Variants in MELK observed in about 807,000 individuals in gnomAD.
The protein encoded by MELK is pEg3 kinase.
MELK carries 81 observed loss-of-function variants against 85.0 expected under a neutral mutation model. The ratio of observed to expected loss-of-function variants is 0.95; its 90% confidence interval spans 0.80 to 1.15. MELK has a LOEUF of 1.15. MELK is among the 50% of genes most tolerant of loss of function. MELK has a pLI of 0.00. For synonymous variants in MELK, 252 were observed against 265.0 expected (o/e 0.95, Z 0.48); for missense variants, 754 against 777.5 (o/e 0.97, Z 0.36).
intron 13 of MELK, among the ~76,000 whole-genome samples, 155 bp downstream of exon 13, chr9:36,657,518 A>G (rs1400569511): frequency 1.3e-5 from 2 of 152,226 alleles, no homozygotes; most frequent in African/African-American, 4.8e-5. Context: ...AATGAAAGGG[A>G]AGTCAATTAT....
intron 4 of MELK, among the ~76,000 whole-genome samples, chr9:36,591,795 G>A (rs12238648): frequency 0.11 from 16,078 of 151,666 alleles, 898 homozygotes; most frequent in Middle Eastern, 0.15. Flanking sequence ...AAAAGGCTGG[G>A]TATGGTGGTG....
chr9:36,619,308 A>G (rs1159548630), intron 8 of MELK, among the ~76,000 whole-genome samples: 3 of 152,160 alleles, frequency 2.0e-5, no homozygotes, highest in African/African-American at 7.2e-5. Context: ...AATACCTCTC[A>G]GCCAGGTTAT....
rs1334062073 is a variant in MELK at position 36,656,738 on chromosome 9, C to CA, written c.1054-503_1054-502insA. Among the ~76,000 whole-genome samples the CA allele has an allele frequency of 2.1e-3, 315 of 152,132 alleles. 1 individual carries two copies. The highest frequency in any genetic ancestry group is 7.3e-3 in the African/African-American group (302 of 41,498). ...CACCTGGTGGACTCAAGTGATCCTC[C>CA]CACCTAAGCCTCCCAAGTACCTGGG... On this transcript the variant is annotated intron_variant, in intron 12 of 17. Transcript: ENST00000298048.
chr9:36,595,539 G>C (rs1587367276), intron 5 of MELK, among the ~76,000 whole-genome samples: 1 of 151,578 alleles, frequency 6.6e-6, no homozygotes, highest in South Asian at 2.1e-4. Context: ...GCCTTGGTAG[G>C]CTTTTTGGAT....
At chr9:36,615,157 G>T (rs1826496466) in intron 8 of MELK, among the ~76,000 whole-genome samples, 1 of 139,982 alleles carries the variant, frequency 7.1e-6, no homozygotes, top group African/African-American at 2.7e-5. Flanking sequence ...GGGCAGAGGC[G>T]CCCCTCACCT....
At chr9:36,606,178 T>A (rs1825458310) in intron 7 of MELK, among the ~76,000 whole-genome samples, 1 of 148,532 alleles carries the variant, frequency 6.7e-6, no homozygotes, top group African/African-American at 2.5e-5. Context: ...ATTTCTAGTG[T>A]CTCTCTCTCT....
chr9:36,581,209 A>AT (rs112571055), intron 1 of MELK, among the ~76,000 whole-genome samples: 2 of 150,870 alleles, frequency 1.3e-5, no homozygotes, highest in Non-Finnish European at 3.0e-5. Context: ...TTTTATTTTT[A>AT]TTTTTTTTAT....
intron 8 of MELK, among the ~76,000 whole-genome samples, chr9:36,611,279 C>T (rs1016509763): frequency 2.0e-5 from 3 of 152,188 alleles, no homozygotes; most frequent in Non-Finnish European, 2.9e-5. Context: ...CGGAATATTA[C>T]ACCTCCTAGA....
intron 16 of MELK, 42 bp from the exon 17 acceptor site, chr9:36,674,789 TTGA>T: frequency 8.8e-7 from 1 of 1,140,962 alleles, no homozygotes; most frequent in South Asian, 1.3e-5. Context: ...GGTCTTTGTG[TTGA>T]TGTAAAAATT....
intron 14 of MELK, among the ~76,000 whole-genome samples, chr9:36,665,910 A>G (rs1832294065): frequency 6.6e-6 from 1 of 152,228 alleles, no homozygotes; most frequent in African/African-American, 2.4e-5. Flanking sequence ...AGAAGGAGTG[A>G]AGTGATTTGC....
intron 11 of MELK, among the ~76,000 whole-genome samples, chr9:36,644,167 T>G (rs1186183608): frequency 6.6e-6 from 1 of 151,912 alleles, no homozygotes; most frequent in Admixed American, 6.6e-5. Flanking sequence ...TTGGATTATT[T>G]TGGCTCTTTC....
At chr9:36,624,083 CTTTTT>C (rs774510229) in intron 8 of MELK, among the ~76,000 whole-genome samples, 1 of 132,938 alleles carries the variant, frequency 7.5e-6, no homozygotes, top group African/African-American at 2.9e-5. Context: ...TATTATACTT[CTTTTT>C]TTTTTTTTTT....
In MELK at chr9:36,579,772, A is replaced by G. The variant is rs565939910; in HGVS notation, c.-38-1872A>G. 5.3e-5 allele frequency among the ~76,000 whole-genome samples: 8 copies of G among 152,346 alleles called. No homozygotes were observed. The East Asian group carries it at 1.5e-3, about 29-fold the overall frequency. On this transcript the variant is annotated intron_variant, in intron 1 of 17. Transcript: ENST00000298048. ...AGTGTGACTTTGTATATTAATGTGCATAACAGGGCCCTACTTAGCTCTATG... is the reference window on the plus strand; with the variant it reads ...AGTGTGACTTTGTATATTAATGTGCGTAACAGGGCCCTACTTAGCTCTATG...
chr9:36,603,472 C>T (rs1825136124), intron 7 of MELK, among the ~76,000 whole-genome samples: 1 of 151,716 alleles, frequency 6.6e-6, no homozygotes, highest in African/African-American at 2.4e-5. Flanking sequence ...CACTCTGTCT[C>T]CCAGGCTGAA....
intron 7 of MELK, among the ~76,000 whole-genome samples, chr9:36,601,625 TTAG>T (rs768953257): frequency 2.6e-4 from 39 of 152,214 alleles, no homozygotes; most frequent in Admixed American, 4.6e-4. Context: ...AATGTATAGT[TTAG>T]TAGTACTGAA....
chr9:36,614,283 A>G lies in MELK; in HGVS notation c.666+6610A>G, dbSNP rs1418546328. On this transcript the variant is annotated intron_variant, in intron 8 of 17. Transcript: ENST00000298048. ...GCTAAGTTTTGTAGTTTTAGTAGAG[A>G]TGGGGTTTCGCCATGTTGGCCATGT... is the stretch of plus-strand genomic sequence containing the variant. 2.6e-5 allele frequency among the ~76,000 whole-genome samples: 4 copies of G among 151,622 alleles called. No individual in the cohort carries two copies. The South Asian group carries it at 6.3e-4, about 24-fold the overall frequency.
chr9:36,598,950 C>CT (rs1158348010), intron 6 of MELK, among the ~76,000 whole-genome samples: 6 of 152,082 alleles, frequency 3.9e-5, no homozygotes, highest in African/African-American at 1.2e-4. Context: ...TGCAGAAATC[C>CT]TTTATTATGT....
intron 16 of MELK, 115 bp from the exon 17 acceptor site, chr9:36,674,719 A>G (rs1244167428): frequency 1.9e-6 from 1 of 517,000 alleles, no homozygotes; most frequent in Non-Finnish European, 3.3e-6. Context: ...TTTTTAGGAA[A>G]TAGTTCCATT....
chr9:36,666,337 TA>T (rs1295576981), intron 14 of MELK, among the ~76,000 whole-genome samples: 4 of 152,164 alleles, frequency 2.6e-5, no homozygotes, highest in African/African-American at 9.7e-5. Flanking sequence ...GTCATGACAG[TA>T]GAGACTCTCT....
Sources: allele counts gnomAD v4.1 joint callset (sites outside exome capture counted in the v4.1 genomes callset), GRCh38; gene constraint gnomAD v4.1.1; transcripts MANE v1.5; gene names NCBI Gene and HGNC (gene_info 2026-07-23, HGNC 2026-07-21).